DPYSL2: variants seen among roughly 807,000 people sequenced by gnomAD.
DPYSL2 encodes dihydropyrimidinase-related protein 2.
In DPYSL2, 13 loss-of-function variants were observed where a neutral mutation model predicts 69.9. That is an observed-to-expected ratio of 0.19 (90% CI 0.12 to 0.30). The LOEUF is 0.30. Ranked by LOEUF, DPYSL2 falls within the 10% of genes least tolerant of loss-of-function variation. The pLI, the probability that DPYSL2 is intolerant of heterozygous loss-of-function variation, is 1.00. For synonymous variants in DPYSL2, 326 were observed against 359.1 expected (o/e 0.91, Z 1.04); for missense variants, 587 against 918.9 (o/e 0.64, Z 4.67).
chr8:26,579,954 G>GCC (rs56385974), intron 1 of DPYSL2, among the ~76,000 whole-genome samples: 4,083 of 121,944 alleles, frequency 0.033, 200 homozygotes, highest in Non-Finnish European at 0.052. Context: ...TTTAAAGAGC[G>GCC]CCCCCCCCCC....
chr8:26,603,371 C>T (rs376092873), intron 3 of DPYSL2, among the ~76,000 whole-genome samples: 56 of 152,254 alleles, frequency 3.7e-4, no homozygotes, highest in African/African-American at 1.3e-3. Context: ...CGGGGTTTCA[C>T]CATATTGGCC....
rs969260954 is a variant in DPYSL2, at chr8:26,607,045, A to T, written c.629-17098A>T. On this transcript the variant is annotated intron_variant, in intron 3 of 13. Coordinates refer to ENST00000521913, the MANE Select transcript of DPYSL2 (RefSeq NM_001197293.3). ...AATTCATACGCCTTGACCTAGAGTA[A>T]TCTATATGTAAACATTTAGCTCTAA... Among the ~76,000 whole-genome samples, 25 of 152,230 alleles carry T rather than the reference A, an allele frequency of 1.6e-4. 1 individual carries two copies. The highest frequency in any genetic ancestry group is 5.8e-4 in the African/African-American group (24 of 41,458).
At chr8:26,531,350 G>A (rs1020475604) in intron 1 of DPYSL2, among the ~76,000 whole-genome samples, 5 of 152,086 alleles carry the variant, frequency 3.3e-5, no homozygotes, top group African/African-American at 1.2e-4. Context: ...TAACACTCCT[G>A]GGTATGCAGA....
At chr8:26,579,863 A>G (rs1801445378) in intron 1 of DPYSL2, among the ~76,000 whole-genome samples, 1 of 150,572 alleles carries the variant, frequency 6.6e-6, no homozygotes, top group African/African-American at 2.5e-5. Context: ...TGAATGAACA[A>G]GGCAGCTTCA....
chr8:26,591,824 A>G lies in DPYSL2; in HGVS notation c.628+7841A>G, dbSNP rs2129774922. On this transcript the variant is annotated intron_variant, in intron 3 of 13. Transcript: ENST00000521913. This position sits in a 1 kb window ranked among gnomAD's most constrained non-coding sequence, Gnocchi z 5.8. ...GAGCTTGGGGAAGCACAGGATGGAA[A>G]CCAACCCATCCTGGCACTGCCTCCC... Among the ~76,000 whole-genome samples, 1 of 152,158 alleles carries G rather than the reference A, an allele frequency of 6.6e-6. No homozygotes were observed. Among genetic ancestry groups the G allele is most frequent in the East Asian group, 1.9e-4 (1 of 5,158 alleles).
intron 3 of DPYSL2, among the ~76,000 whole-genome samples, chr8:26,595,546 A>G (rs1193040220): frequency 6.6e-6 from 1 of 152,100 alleles, no homozygotes; most frequent in African/African-American, 2.4e-5. Context: ...GATTCCTTGC[A>G]TTGTCTGCTA....
chr8:26,519,294 A>G (rs903904391), intron 1 of DPYSL2, among the ~76,000 whole-genome samples: 1 of 152,222 alleles, frequency 6.6e-6, no homozygotes, highest in African/African-American at 2.4e-5. Flanking sequence ...CAGAGCTTGC[A>G]AGAGACCTAA....
intron 8 of DPYSL2, 106 bp downstream of exon 8, chr8:26,635,006 C>A (rs1221794487): frequency 1.4e-6 from 2 of 1,479,494 alleles, no homozygotes; most frequent in African/African-American, 2.8e-5. Context: ...GCCAAGTGGG[C>A]CACTTGCACC....
At chr8:26,575,418 T>C (rs1458995807) in intron 1 of DPYSL2, among the ~76,000 whole-genome samples, 1 of 152,222 alleles carries the variant, frequency 6.6e-6, no homozygotes, top group Non-Finnish European at 1.5e-5. Flanking sequence ...TTTTTACTTT[T>C]CCTCATTGCG....
rs968059430 is a variant in DPYSL2, at chr8:26,656,158, C to A, written c.*452C>A. ...TTTCTTTGTGGGGCTGGGGAGGGGC[C>A]GGGGTCAGGGAGAGTCTTTTTTTTT... is the stretch of plus-strand genomic sequence containing the variant. On this transcript the variant is annotated 3_prime_UTR_variant, in exon 14 of 14. Transcript: ENST00000521913. The A allele has an allele frequency of 6.8e-6, 1 of 146,810 alleles. No individual in the cohort carries two copies. The highest frequency in any genetic ancestry group is 1.5e-5 in the Non-Finnish European group (1 of 67,636). The allele number at this position is 146,810 out of a possible 1,614,324, so 9.1% of individuals were successfully genotyped here. A position where few individuals can be genotyped will look rare whatever the true frequency, so the allele number is the denominator to read the frequency against.
chr8:26,651,701 A>G (rs533968720), intron 11 of DPYSL2, among the ~76,000 whole-genome samples: 33 of 152,364 alleles, frequency 2.2e-4, no homozygotes, highest in African/African-American at 7.9e-4. Context: ...AAGGATAGCT[A>G]CATAGCTACA....
intron 7 of DPYSL2, among the ~76,000 whole-genome samples, chr8:26,631,860 A>G (rs895644147): frequency 6.6e-6 from 1 of 152,188 alleles, no homozygotes. Flanking sequence ...GTCTCCTCTC[A>G]TGGTGAGTTT....
At chr8:26,568,035 C>T (rs1208914964) in intron 1 of DPYSL2, among the ~76,000 whole-genome samples, 1 of 152,162 alleles carries the variant, frequency 6.6e-6, no homozygotes, top group Non-Finnish European at 1.5e-5. Context: ...ACACACTGCC[C>T]ACAGATGTAG....
At position 26,591,029 on chromosome 8, in the gene DPYSL2, C is replaced by T. The variant is rs959277196; in HGVS notation, c.628+7046C>T. Among the ~76,000 whole-genome samples the T allele has an allele frequency of 7.2e-5, 11 of 152,286 alleles. No homozygotes were observed. The highest frequency in any genetic ancestry group is 1.5e-4 in the Non-Finnish European group (10 of 68,018). ...TCATACTGTCCCAGGGTTTCTTGCCCCCACCTGGCCCTGGGAGCTGGCAGT... is the reference window on the plus strand; with the variant it reads ...TCATACTGTCCCAGGGTTTCTTGCCTCCACCTGGCCCTGGGAGCTGGCAGT... On this transcript the variant is annotated intron_variant, in intron 3 of 13. Coordinates refer to ENST00000521913, the MANE Select transcript of DPYSL2 (RefSeq NM_001197293.3). This position sits in a 1 kb window ranked among gnomAD's most constrained non-coding sequence, Gnocchi z 5.8.
chr8:26,604,510 T>C (rs1802065150), intron 3 of DPYSL2, among the ~76,000 whole-genome samples: 1 of 152,154 alleles, frequency 6.6e-6, no homozygotes, highest in African/African-American at 2.4e-5. Flanking sequence ...GCCTGCCTCA[T>C]CTTGAGAGAG....
intron 7 of DPYSL2, among the ~76,000 whole-genome samples, chr8:26,628,472 G>A (rs1563416956): frequency 6.6e-6 from 1 of 152,222 alleles, no homozygotes; most frequent in African/African-American, 2.4e-5. Context: ...CAAAGGTGGA[G>A]ACTCACCGTC....
At chr8:26,622,560 C>T (rs532005073) in intron 3 of DPYSL2, among the ~76,000 whole-genome samples, 6 of 151,238 alleles carry the variant, frequency 4.0e-5, no homozygotes, top group East Asian at 1.9e-4. Context: ...TGGAGTGCAG[C>T]GGCACAATCT....
At chr8:26,629,329 T>C (rs1364453247) in intron 7 of DPYSL2, among the ~76,000 whole-genome samples, 2 of 147,092 alleles carry the variant, frequency 1.4e-5, no homozygotes, top group African/African-American at 2.5e-5. Context: ...CACATACACA[T>C]AGACACACAG....
chr8:26,627,358 A>T lies in DPYSL2; in HGVS notation c.936+63A>T, dbSNP rs1006079354. On this transcript the variant is annotated intron_variant, in intron 6 of 13. Transcript: ENST00000521913. The surrounding 1 kb of genome is among the most constrained non-coding windows in gnomAD (Gnocchi z 6.9). The stretch of plus-strand genomic sequence containing the variant: ...GGAGGGTGAGAGGCAGGCTCAAGAA[A>T]GGGAAGCTGCATCTGTAGCTTAACA... 6.5e-7 allele frequency: 1 copy of T among 1,541,978 alleles called. No individual in the cohort carries two copies. The highest frequency in any genetic ancestry group is 1.1e-5 in the South Asian group (1 of 89,214).
Sources: allele counts gnomAD v4.1 joint callset (sites outside exome capture counted in the v4.1 genomes callset), GRCh38; gene constraint gnomAD v4.1.1; non-coding constraint Gnocchi (gnomAD v3.1); transcripts MANE v1.5; gene names NCBI Gene and HGNC (gene_info 2026-07-23, HGNC 2026-07-21).